The following FER variants were observed in gnomAD, a reference collection of about 807,000 sequenced individuals.
FER encodes tyrosine-protein kinase Fer.
In FER, 63 loss-of-function variants were observed where a neutral mutation model predicts 111.0. The observed-to-expected ratio is 0.57, with a 90% CI of 0.46 to 0.70. FER has a LOEUF of 0.70. Ranked by LOEUF, FER falls within the 30% of genes least tolerant of loss-of-function variation. FER has a pLI of 0.00. For synonymous variants in FER, 327 were observed against 313.9 expected, an observed-to-expected ratio of 1.04 and a Z score of -0.44; for missense variants, 914 against 954.0, an observed-to-expected ratio of 0.96 and a Z score of 0.55.
At chr5:109,001,629 G>T (rs969708747) in intron 13 of FER, among the ~76,000 whole-genome samples, 3 of 152,188 alleles carry the variant, frequency 2.0e-5, no homozygotes, top group African/African-American at 4.8e-5. Context: ...GGAAGTTTTG[G>T]CCAGGGCAAT....
intron 3 of FER, among the ~76,000 whole-genome samples, chr5:108,827,631 C>G (rs910250355): frequency 6.6e-6 from 1 of 151,830 alleles, no homozygotes; most frequent in Non-Finnish European, 1.5e-5. Flanking sequence ...AATATAGTGA[C>G]TACAGGGTCT....
chr5:108,841,559 C>T (rs1435125957), intron 5 of FER, among the ~76,000 whole-genome samples: 2 of 152,106 alleles, frequency 1.3e-5, no homozygotes, highest in Non-Finnish European at 2.9e-5. Context: ...TACTGTTTGC[C>T]ATGATGTGCC....
intron 3 of FER, among the ~76,000 whole-genome samples, chr5:108,830,304 A>T (rs767686488): frequency 6.6e-6 from 1 of 152,070 alleles, no homozygotes; most frequent in African/African-American, 2.4e-5. Flanking sequence ...AAATACAAAA[A>T]TTAGCTGGGC....
chr5:109,025,546 T>A lies in FER; in HGVS notation c.1657-11876T>A, dbSNP rs1768588596. On this transcript the variant is annotated intron_variant, in intron 13 of 19. Coordinates refer to ENST00000281092, the MANE Select transcript of FER (RefSeq NM_005246.4). ...CTGAGACAATGGGGTTTTCTAGATATACAATCATGTCGTCTGCAAACAGGG... is the reference window on the plus strand; with the variant it reads ...CTGAGACAATGGGGTTTTCTAGATAAACAATCATGTCGTCTGCAAACAGGG... Among the ~76,000 whole-genome samples, 4 of 151,954 alleles carry A rather than the reference T, an allele frequency of 2.6e-5. No homozygotes were observed. The South Asian group carries it at 8.3e-4, about 32-fold the overall frequency.
intron 13 of FER, among the ~76,000 whole-genome samples, chr5:108,961,271 A>T (rs139788955): frequency 6.6e-6 from 1 of 152,212 alleles, no homozygotes; most frequent in African/African-American, 2.4e-5. Flanking sequence ...AAATGTTTGC[A>T]TTGTCTACAG....
In FER at chr5:109,051,428, T is replaced by C. The variant is rs1772794683; in HGVS notation, c.1924+4230T>C. 7.4e-6 allele frequency: 12 copies of C among 1,613,048 alleles called. No homozygotes were observed. In the South Asian group the frequency reaches 1.1e-4, roughly 15 times the overall value. On this transcript the variant is annotated intron_variant, in intron 16 of 19. Coordinates refer to ENST00000281092, the MANE Select transcript of FER (RefSeq NM_005246.4). Reference sequence around the variant, plus strand: ...AGTTCATGTCCAGCAGCTAGTTTTTTAGAATTCTGGTTATCATCGGGGAAA... The same window carrying C: ...AGTTCATGTCCAGCAGCTAGTTTTTCAGAATTCTGGTTATCATCGGGGAAA...
chr5:108,900,351 CA>C (rs1749830107), intron 10 of FER, among the ~76,000 whole-genome samples: 1 of 152,094 alleles, frequency 6.6e-6, no homozygotes, highest in Non-Finnish European at 1.5e-5. Flanking sequence ...TATTACTTTT[CA>C]GTTTACTTGG....
At chr5:109,012,617 G>A (rs928027905) in intron 13 of FER, among the ~76,000 whole-genome samples, 3 of 152,172 alleles carry the variant, frequency 2.0e-5, no homozygotes, top group African/African-American at 4.8e-5. Flanking sequence ...TCATTGCGAT[G>A]GCACTACATC....
At chr5:109,049,782 G>A (rs1489934654) in intron 16 of FER, among the ~76,000 whole-genome samples, 1 of 152,156 alleles carries the variant, frequency 6.6e-6, no homozygotes, top group Non-Finnish European at 1.5e-5. Context: ...ATTTTCACCA[G>A]TCGTCTGTGA....
At chr5:108,855,440 G>A (rs1762907138) in intron 5 of FER, among the ~76,000 whole-genome samples, 1 of 151,974 alleles carries the variant, frequency 6.6e-6, no homozygotes, top group South Asian at 2.1e-4. Context: ...AGACCACGGT[G>A]AAATCCCGTC....
chr5:108,801,401 G>A (rs959040139), intron 3 of FER, among the ~76,000 whole-genome samples: 11 of 152,098 alleles, frequency 7.2e-5, no homozygotes, highest in Admixed American at 7.2e-4. Context: ...TTTGTTCCTT[G>A]ATAATAATAT....
intron 8 of FER, among the ~76,000 whole-genome samples, chr5:108,879,697 A>AT (rs1554084588): frequency 1.3e-3 from 121 of 96,034 alleles, no homozygotes; most frequent in African/African-American, 6.7e-3. Context: ...TTAGATTAAA[A>AT]AAAAATATAT....
At chr5:108,882,432 T>C (rs1765773072) in intron 8 of FER, among the ~76,000 whole-genome samples, 1 of 152,068 alleles carries the variant, frequency 6.6e-6, no homozygotes, top group African/African-American at 2.4e-5. Context: ...TTTTTCATGG[T>C]GAACTTCCGT....
intron 17 of FER, among the ~76,000 whole-genome samples, chr5:109,107,568 G>A (rs1749094427): frequency 1.3e-5 from 2 of 151,970 alleles, no homozygotes; most frequent in African/African-American, 4.8e-5. Flanking sequence ...ACACTTATAA[G>A]TGAGAATATG....
intron 16 of FER, among the ~76,000 whole-genome samples, chr5:109,082,970 C>G (rs1297890626): frequency 6.6e-6 from 1 of 151,050 alleles, no homozygotes; most frequent in Non-Finnish European, 1.5e-5. Flanking sequence ...TCTGAACCCC[C>G]CAAAAAAAGA....
intron 16 of FER, chr5:109,052,591 T>C: frequency 1.7e-6 from 1 of 586,182 alleles, no homozygotes; most frequent in Non-Finnish European, 3.0e-6. Context: ...AAAACTCCGC[T>C]GCTGTTTGTT....
chr5:109,127,435 C>T (rs1479289710), intron 17 of FER, among the ~76,000 whole-genome samples: 5 of 152,052 alleles, frequency 3.3e-5, no homozygotes, highest in Non-Finnish European at 7.4e-5. Context: ...GACAGAGTCT[C>T]GCTCTGTTGC....
intron 14 of FER, among the ~76,000 whole-genome samples, chr5:109,040,536 A>C (rs1771019044): frequency 6.6e-6 from 1 of 152,168 alleles, no homozygotes. Context: ...TGAGAGGATC[A>C]CTGATGACTT....
intron 16 of FER, among the ~76,000 whole-genome samples, chr5:109,048,964 C>T (rs1200308037): frequency 2.6e-5 from 4 of 151,842 alleles, no homozygotes; most frequent in African/African-American, 4.8e-5. Context: ...TTTATTCAAC[C>T]GCAACTTTAT....
Sources: allele counts gnomAD v4.1 joint callset (sites outside exome capture counted in the v4.1 genomes callset), GRCh38; gene constraint gnomAD v4.1.1; transcripts MANE v1.5; gene names NCBI Gene and HGNC (gene_info 2026-07-23, HGNC 2026-07-21).